F2: variants seen among roughly 807,000 people sequenced by gnomAD.
F2 encodes prothrombin.
In F2, 34 loss-of-function variants were observed where a neutral mutation model predicts 81.9. The ratio of observed to expected loss-of-function variants is 0.42; its 90% CI spans 0.32 to 0.55. F2 has a LOEUF of 0.55. Among genes scored for constraint, F2 ranks in the 20% least tolerant of loss-of-function variants. F2 has a pLI of 0.18. For synonymous variants in F2, 296 were observed against 326.4 expected (o/e 0.91, Z 1.01); for missense variants, 630 against 833.4 (o/e 0.76, Z 3.00).
At chr11:46,735,454 A>G (rs2134543740) in intron 12 of F2, among the ~76,000 whole-genome samples, 1 of 151,836 alleles carries the variant, frequency 6.6e-6, no homozygotes, top group Non-Finnish European at 1.5e-5. Context: ...AAAAAAGGAA[A>G]AAGAAAATAT....
intron 4 of F2, 80 bp downstream of exon 4, chr11:46,720,920 G>C (rs2064832020): frequency 6.7e-7 from 1 of 1,491,744 alleles, no homozygotes; most frequent in African/African-American, 1.4e-5. Flanking sequence ...TTTGGAGTGT[G>C]GCTGGTGGAG....
intron 12 of F2, among the ~76,000 whole-genome samples, chr11:46,731,452 A>G (rs1276285898): frequency 6.6e-6 from 1 of 152,014 alleles, no homozygotes; most frequent in African/African-American, 2.4e-5. Context: ...AAGTGCTGGG[A>G]TTACAGGCGT....
At chr11:46,736,203 AAATC>A (rs3136528) in intron 12 of F2, among the ~76,000 whole-genome samples, 34 of 152,316 alleles carry the variant, frequency 2.2e-4, no homozygotes, top group East Asian at 1.4e-3. Context: ...CTCTATCTCA[AAATC>A]AATCAATCAA....
At position 46,720,260 on chromosome 11, in the gene F2, G is replaced by GC. The variant is rs1322391291; in HGVS notation, c.241-262dup. ...CTGTGTCGCCTTTCCTGTCTGTAGGGCTCTGCCAGGGTCCCACTGCCCCCT... is the reference window on the plus strand; with the variant it reads ...CTGTGTCGCCTTTCCTGTCTGTAGGGCCTCTGCCAGGGTCCCACTGCCCCCT... On this transcript the variant is annotated intron_variant, in intron 2 of 13. Transcript: ENST00000311907. The GC allele has an allele frequency of 4.2e-5, 24 of 576,860 alleles. No individual in the cohort carries two copies. The South Asian group carries it at 4.4e-4, about 11-fold the overall frequency. The allele number at this position is 576,860 out of a possible 1,614,324, so 35.7% of individuals were successfully genotyped here. A position where few individuals can be genotyped will look rare whatever the true frequency, so the allele number is the denominator to read the frequency against.
In F2 at chr11:46,726,971, C is replaced by T. The variant is rs776502329; in HGVS notation, c.1130+134C>T. 16 of 1,352,024 alleles carry T rather than the reference C, an allele frequency of 1.2e-5. No homozygotes were observed. The highest frequency in any genetic ancestry group is 2.9e-5 in the African/African-American group (2 of 69,488). The allele number at this position is 1,352,024 out of a possible 1,614,324, so 83.8% of individuals were successfully genotyped here. On this transcript the variant is annotated intron_variant, in intron 9 of 13. Coordinates refer to ENST00000311907, the MANE Select transcript of F2 (RefSeq NM_000506.5). This position sits in a 1 kb window ranked among gnomAD's most constrained non-coding sequence, Gnocchi z 5.9. ...TGAGCATCCAGGATCCCACCAACTC[C>T]ACACAGCAGCCACATGAGATGGGTT...
At chr11:46,724,210 T>C (rs755880571) in intron 6 of F2, among the ~76,000 whole-genome samples, 4 of 152,112 alleles carry the variant, frequency 2.6e-5, no homozygotes, top group Non-Finnish European at 5.9e-5. Flanking sequence ...ATTATTTCCT[T>C]GGTGTGTTAA....
chr11:46,723,300 G>A lies in F2; in HGVS notation c.422+15G>A, dbSNP rs774194329. ...CATAAGCCTGAGTGAGTGAGGGGCC[G>A]GCCTTCCCACCATGGGCTGAGAACA... On this transcript the variant is annotated intron_variant, in intron 5 of 13. Coordinates refer to ENST00000311907, the MANE Select transcript of F2 (RefSeq NM_000506.5). This position sits in a 1 kb window ranked among gnomAD's most constrained non-coding sequence, Gnocchi z 5.6. The A allele has an allele frequency of 1.3e-5, 21 of 1,613,312 alleles. No individual in the cohort carries two copies. Among genetic ancestry groups the A allele is most frequent in the Non-Finnish European group, 1.4e-5 (17 of 1,179,426 alleles).
At chr11:46,738,982 C>A in intron 12 of F2, 66 bp from the exon 13 acceptor site, 1 of 1,557,888 alleles carries the variant, frequency 6.4e-7, no homozygotes, top group South Asian at 1.1e-5. Context: ...CCAGCTGTGT[C>A]TCGTGAAGGG....
In F2 at chr11:46,729,537, A is replaced by G; in HGVS notation, c.1630A>G (p.Ile544Val). Residue 544 changes from isoleucine (I) to valine (V), a missense_variant, in exon 12 of 14, where the codon ATC (isoleucine) becomes GTC (valine). Transcript: ENST00000311907. The stretch of plus-strand genomic sequence containing the variant: ...CTGCAAGGACTCCACCCGGATCCGC[A>G]TCACTGACAACATGTTCTGTGCTGG... ...PVCKDSTRIRITDNMFCAGYK... is the reference protein window; with the variant it reads ...PVCKDSTRIRVTDNMFCAGYK... 1 of 1,613,764 alleles carries G rather than the reference A, an allele frequency of 6.2e-7. No homozygotes were observed. The highest frequency in any genetic ancestry group is 8.5e-7 in the Non-Finnish European group (1 of 1,179,728).
chr11:46,720,007 G>A, intron 2 of F2, 145 bp downstream of exon 2: 1 of 1,169,204 alleles, frequency 8.6e-7, no homozygotes, highest in Non-Finnish European at 1.2e-6. Flanking sequence ...CACAGGGCTG[G>A]CAAGAGGAGC....
In F2 at chr11:46,728,051, A is replaced by G. The variant is rs1349856758; in HGVS notation, c.1186A>G (p.Ile396Val). 3.1e-6 allele frequency: 5 copies of G among 1,610,872 alleles called. No individual in the cohort carries two copies. The highest frequency in any genetic ancestry group is 3.4e-6 in the Non-Finnish European group (4 of 1,178,886). ...GGAGCTGCTGTGTGGGGCCAGCCTC[A>G]TCAGTGACCGCTGGGTCCTCACCGC... ...PQELLCGASL[I>V]SDRWVLTAAH... Residue 396 changes from isoleucine to valine, a missense_variant, in exon 10 of 14, where the codon ATC (isoleucine) becomes GTC (valine). Ile to Val is a conservative substitution (Grantham distance 29). Coordinates refer to ENST00000311907, the MANE Select transcript of F2 (RefSeq NM_000506.5). The surrounding 1 kb of genome is among the most constrained non-coding windows in gnomAD (Gnocchi z 5.1).
Position 46,719,255 on chromosome 11 carries a change from T to C in F2, c.20T>C (p.Leu7Ser). Residue 7 changes from leucine (L) to serine (S), a missense_variant, in exon 1 of 14, where the codon TTG becomes TCG. Transcript: ENST00000311907. This position sits in a 1 kb window ranked among gnomAD's most constrained non-coding sequence, Gnocchi z 4.7. ...CACACTATGGCGCACGTCCGAGGCT[T>C]GCAGCTGCCTGGCTGCCTGGCCCTG... MAHVRG[L>S]QLPGCLALAA... The C allele has an allele frequency of 2.5e-6, 4 of 1,613,820 alleles. No homozygotes were observed. The highest frequency in any genetic ancestry group is 3.4e-6 in the Non-Finnish European group (4 of 1,180,018).
chr11:46,719,581 C>A lies in F2; in HGVS notation c.80-121C>A. On this transcript the variant is annotated intron_variant, in intron 1 of 13. Transcript: ENST00000311907. This position sits in a 1 kb window ranked among gnomAD's most constrained non-coding sequence, Gnocchi z 4.7. ...TTAGCAGCCTTCCAGGCACTTCCAC[C>A]AGCCCAGACAGCCTCTCTCAGAAGC... 1 of 1,350,140 alleles carries A rather than the reference C, an allele frequency of 7.4e-7. No homozygotes were observed. Among genetic ancestry groups the A allele is most frequent in the Non-Finnish European group, 1.0e-6 (1 of 980,828 alleles). The allele number at this position is 1,350,140 out of a possible 1,614,324, so 83.6% of individuals were successfully genotyped here. A position where few individuals can be genotyped will look rare whatever the true frequency, so the allele number is the denominator to read the frequency against.
At position 46,728,621 on chromosome 11, in the gene F2, G is replaced by A; in HGVS notation, c.1299-43G>A. On this transcript the variant is annotated intron_variant, in intron 10 of 13. Coordinates refer to ENST00000311907, the MANE Select transcript of F2 (RefSeq NM_000506.5). This position sits in a 1 kb window ranked among gnomAD's most constrained non-coding sequence, Gnocchi z 5.1. Reference sequence around the variant, plus strand: ...CAGGCAGTTTCCTGCTCCTTGCTGGGTGAACCTGCAGCTTCTCCATTTCTT... The same window carrying A: ...CAGGCAGTTTCCTGCTCCTTGCTGGATGAACCTGCAGCTTCTCCATTTCTT... 6.2e-7 allele frequency: 1 copy of A among 1,611,472 alleles called. No individual in the cohort carries two copies. The highest frequency in any genetic ancestry group is 1.3e-5 in the African/African-American group (1 of 75,046).
At position 46,723,053 on chromosome 11, in the gene F2, G is replaced by A. The variant is rs1425111005; in HGVS notation, c.317-127G>A. 9 of 827,034 alleles carry A rather than the reference G, an allele frequency of 1.1e-5. No individual in the cohort carries two copies. The highest frequency in any genetic ancestry group is 3.4e-5 in the Admixed American group (2 of 58,830). The allele number at this position is 827,034 out of a possible 1,614,324, so 51.2% of individuals were successfully genotyped here. A position where few individuals can be genotyped will look rare whatever the true frequency, so the allele number is the denominator to read the frequency against. On this transcript the variant is annotated intron_variant, in intron 4 of 13. Transcript: ENST00000311907. The surrounding 1 kb of genome is among the most constrained non-coding windows in gnomAD (Gnocchi z 5.6). Reference sequence around the variant, plus strand: ...GAACTGCTGGTTGCAGAGGAAGAGGGGCTGGGTGAATGCAGGTTCAGGATT... The same window carrying A: ...GAACTGCTGGTTGCAGAGGAAGAGGAGCTGGGTGAATGCAGGTTCAGGATT...
Position 46,719,366 on chromosome 11 carries a change from C to T in F2, c.79+52C>T, listed in dbSNP as rs1322520447. The stretch of plus-strand genomic sequence containing the variant: ...AGGCTGGAGGACTGGGGTGTGGGCC[C>T]ATGGGCTGGGGTCTCCTGGCTGGAC... On this transcript the variant is annotated intron_variant, in intron 1 of 13. Transcript: ENST00000311907. The surrounding 1 kb of genome is among the most constrained non-coding windows in gnomAD (Gnocchi z 4.7). 2 of 1,575,270 alleles carry T rather than the reference C, an allele frequency of 1.3e-6. No individual in the cohort carries two copies. Among genetic ancestry groups the T allele is most frequent in the Non-Finnish European group, 1.7e-6 (2 of 1,157,628 alleles).
chr11:46,720,654 C>A, intron 3 of F2, 107 bp downstream of exon 3: 2 of 1,503,416 alleles, frequency 1.3e-6, no homozygotes, highest in Non-Finnish European at 1.9e-6. Flanking sequence ...CCCATCCACC[C>A]CTTCCCCACT....
intron 12 of F2, among the ~76,000 whole-genome samples, chr11:46,737,463 CAG>C (rs1438050144): frequency 2.8e-5 from 2 of 72,480 alleles, no homozygotes; most frequent in African/African-American, 1.2e-4. Context: ...TTTTTTGAGA[CAG>C]AGTCTTGCTC....
Position 46,723,555 on chromosome 11 carries a change from C to T in F2, c.559+37C>T. 2 of 1,583,246 alleles carry T rather than the reference C, an allele frequency of 1.3e-6. No individual in the cohort carries two copies. Among genetic ancestry groups the T allele is most frequent in the Non-Finnish European group, 1.7e-6 (2 of 1,163,310 alleles). ...GCAGTGGGGCGGCCCATGGCCAAGG[C>T]CCGGGGGCTTCATGGGGCCTGGCAG... is the stretch of plus-strand genomic sequence containing the variant. On this transcript the variant is annotated intron_variant, in intron 6 of 13. Coordinates refer to ENST00000311907, the MANE Select transcript of F2 (RefSeq NM_000506.5). This position sits in a 1 kb window ranked among gnomAD's most constrained non-coding sequence, Gnocchi z 5.6.
Sources: gnomAD v4.1 joint callset for allele counts (sites outside exome capture counted in the v4.1 genomes callset) on GRCh38, gnomAD v4.1.1 for gene constraint, Gnocchi (gnomAD v3.1) non-coding constraint, MANE v1.5 for transcripts, NCBI Gene and HGNC (gene_info 2026-07-23, HGNC 2026-07-21) for gene names.